Variants in PRMT2 observed in about 807,000 individuals in gnomAD.
The protein encoded by PRMT2 is protein arginine methyltransferase 2.
A neutral mutation model predicts 57.6 loss-of-function variants in PRMT2; 26 were observed. The observed-to-expected ratio is 0.45, with a 90% confidence interval of 0.33 to 0.63. PRMT2 has a LOEUF of 0.63. Ranked by LOEUF, PRMT2 falls within the 20% of genes least tolerant of loss-of-function variation. The pLI, the probability that PRMT2 is intolerant of heterozygous loss-of-function variation, is 0.02. For missense variants in PRMT2, 472 were observed against 564.4 expected (o/e 0.84, Z 1.66); for synonymous variants, 219 against 220.0 (o/e 1.00, Z 0.04).
At chr21:46,636,696 A>G (rs968800804) in intron 2 of PRMT2, 149 bp downstream of exon 2, 1 of 496,460 alleles carries the variant, frequency 2.0e-6, no homozygotes, top group African/African-American at 2.0e-5. Context: ...TAGTGAAGAA[A>G]ACACACTATT....
chr21:46,638,427 A>G (rs2061213083), intron 3 of PRMT2, among the ~76,000 whole-genome samples: 1 of 152,172 alleles, frequency 6.6e-6, no homozygotes, highest in Admixed American at 6.5e-5. Flanking sequence ...AATTGTTTCT[A>G]GTTTTTTCTA....
chr21:46,658,075 C>T (rs1156538730), intron 7 of PRMT2: 1 of 152,314 alleles, frequency 6.6e-6, no homozygotes, highest in Non-Finnish European at 1.5e-5. Context: ...TGCAGGCTCC[C>T]TGGGTGGTTT....
chr21:46,663,648 A>T, intron 11 of PRMT2, 94 bp downstream of exon 11: 1 of 1,286,660 alleles, frequency 7.8e-7, no homozygotes, highest in South Asian at 1.4e-5. Context: ...GCTGGCCCAC[A>T]CTGGGGTCCA....
intron 8 of PRMT2, chr21:46,659,245 G>A (rs2148999404): frequency 2.8e-6 from 3 of 1,064,714 alleles, no homozygotes; most frequent in South Asian, 3.4e-5. Flanking sequence ...CACGCCATAC[G>A]TGAAAACTTA....
intron 2 of PRMT2, 53 bp from the exon 3 acceptor site, chr21:46,636,843 A>G (rs2061180561): frequency 4.6e-6 from 5 of 1,089,654 alleles, no homozygotes; most frequent in Middle Eastern, 2.0e-4. Flanking sequence ...AGTGAACTCA[A>G]TTATTAAGCA....
Position 46,644,411 on chromosome 21 carries a change from G to A in PRMT2, c.250G>A (p.Val84Met), listed in dbSNP as rs1052347889. The change falls in exon 5 of 12, where the codon GTG becomes ATG. Residue 84 changes from valine (V) to methionine (M), a missense_variant. Around this residue, in one of 2 missense-constraint regions of PRMT2, gnomAD observed 243 missense variants for 347.2 expected, o/e 0.70. Transcript: ENST00000355680. ...CTGTGGGTACATTCCGGCAAACCATGTGGGGAAGCACGTGGATGAGTACGA... is the reference window on the plus strand; with the variant it reads ...CTGTGGGTACATTCCGGCAAACCATATGGGGAAGCACGTGGATGAGTACGA... ...GCCGYIPANH[V>M]GKHVDEYDPE... 6.2e-7 allele frequency: 1 copy of A among 1,612,360 alleles called. No homozygotes were observed.
At chr21:46,654,700 C>T (rs1195788710) in intron 7 of PRMT2, 1 of 153,952 alleles carries the variant, frequency 6.5e-6, no homozygotes, top group Non-Finnish European at 1.4e-5. Flanking sequence ...ATAACACTGA[C>T]ATTGTATTAG....
At chr21:46,643,963 C>T (rs551906429) in intron 4 of PRMT2, among the ~76,000 whole-genome samples, 1 of 152,322 alleles carries the variant, frequency 6.6e-6, no homozygotes, top group Non-Finnish European at 1.5e-5. Flanking sequence ...GCTTTGTTTA[C>T]TTTGTGACAG....
intron 5 of PRMT2, among the ~76,000 whole-genome samples, chr21:46,647,228 AT>A (rs2061377846): frequency 1.3e-5 from 2 of 151,426 alleles, no homozygotes; most frequent in South Asian, 2.1e-4. Flanking sequence ...GGCCTTTTGT[AT>A]TTTTTCTTTT....
At chr21:46,646,560 A>C (rs529433043) in intron 5 of PRMT2, among the ~76,000 whole-genome samples, 1 of 152,358 alleles carries the variant, frequency 6.6e-6, no homozygotes, top group South Asian at 2.1e-4. Flanking sequence ...GTCACTCTTT[A>C]TAACAGCTGC....
Position 46,660,898 on chromosome 21 carries a change from G to C in PRMT2, c.896G>C (p.Cys299Ser), listed in dbSNP as rs1052471094. The part of the protein sequence containing the change: ...KYNHILKPED[C>S]LSEPCTILQL... ...AACCACATTTTGAAACCAGAAGACTGTCTCTCTGAACCGTGCACTATATTG... is the reference window on the plus strand; with the variant it reads ...AACCACATTTTGAAACCAGAAGACTCTCTCTCTGAACCGTGCACTATATTG... Residue 299 changes from cysteine to serine, a missense_variant, in exon 9 of 12, where the codon TGT (cysteine) becomes TCT (serine). This residue lies in a region of PRMT2 where 229 missense variants were observed against 217.2 expected (regional missense o/e 1.05). Coordinates refer to ENST00000355680, the MANE Select transcript of PRMT2 (RefSeq NM_206962.4). The C allele has an allele frequency of 6.2e-7, 1 of 1,613,320 alleles. No homozygotes were observed. Among genetic ancestry groups the C allele is most frequent in the African/African-American group, 1.3e-5 (1 of 74,872 alleles).
At chr21:46,652,749 A>C in intron 7 of PRMT2, 1 of 1,140,702 alleles carries the variant, frequency 8.8e-7, no homozygotes, top group Non-Finnish European at 1.1e-6. Context: ...GACGCAAGTA[A>C]AGATACCACA....
At position 46,649,481 on chromosome 21, in the gene PRMT2, G is replaced by T; in HGVS notation, c.490-94G>T. ...AATGCTGCTTCCCTCTTGTGTCATT[G>T]ACCATTTCTCGTGATGCTGGTTGTG... On this transcript the variant is annotated intron_variant, in intron 6 of 11. Coordinates refer to ENST00000355680, the MANE Select transcript of PRMT2 (RefSeq NM_206962.4). The surrounding 1 kb of genome is among the most constrained non-coding windows in gnomAD (Gnocchi z 4.8). 4 of 1,583,424 alleles carry T rather than the reference G, an allele frequency of 2.5e-6. No individual in the cohort carries two copies. The South Asian group carries it at 4.4e-5, about 18-fold the overall frequency.
intron 8 of PRMT2, chr21:46,659,622 G>A (rs1182873191): frequency 1.0e-6 from 1 of 985,010 alleles, no homozygotes; most frequent in Non-Finnish European, 1.2e-6. Context: ...TACCAGACAA[G>A]CAAAGAGTAA....
At chr21:46,646,767 C>T (rs1047132107) in intron 5 of PRMT2, among the ~76,000 whole-genome samples, 14 of 152,064 alleles carry the variant, frequency 9.2e-5, no homozygotes, top group African/African-American at 3.4e-4. Context: ...TGGATCTTGC[C>T]AGTTCGCCCT....
In PRMT2 at chr21:46,649,339, C is replaced by A. The variant is rs2061413984; in HGVS notation, c.490-236C>A. Among the ~76,000 whole-genome samples, 1 of 152,198 alleles carries A rather than the reference C, an allele frequency of 6.6e-6. No homozygotes were observed. Among genetic ancestry groups the A allele is most frequent in the Non-Finnish European group, 1.5e-5 (1 of 68,040 alleles). ...ATGCGAGTCTTCCATCCACTTGCAG[C>A]CCTGCGTCTGTGTCTTGTCCGGGAG... On this transcript the variant is annotated intron_variant, in intron 6 of 11. Coordinates refer to ENST00000355680, the MANE Select transcript of PRMT2 (RefSeq NM_206962.4). The surrounding 1 kb of genome is among the most constrained non-coding windows in gnomAD (Gnocchi z 4.8).
intron 3 of PRMT2, among the ~76,000 whole-genome samples, chr21:46,637,413 A>G (rs1380033806): frequency 6.6e-6 from 1 of 152,208 alleles, no homozygotes; most frequent in Non-Finnish European, 1.5e-5. Context: ...AGTTAGCAGT[A>G]AAAAATACCC....
chr21:46,653,998 G>A (rs1275580072), intron 7 of PRMT2: 4 of 996,452 alleles, frequency 4.0e-6, no homozygotes, highest in Non-Finnish European at 4.8e-6. Context: ...ATGCAGCATA[G>A]TTAATCAGCA....
intron 5 of PRMT2, among the ~76,000 whole-genome samples, chr21:46,646,579 G>A (rs1250269038): frequency 6.6e-6 from 1 of 152,220 alleles, no homozygotes; most frequent in Non-Finnish European, 1.5e-5. Context: ...GCAGAGCGTT[G>A]TGTTACTTTA....
Sources: gnomAD v4.1 joint callset for allele counts (sites outside exome capture counted in the v4.1 genomes callset) on GRCh38, gnomAD v4.1.1 for gene constraint, gnomAD v4.1.1 regional missense constraint, Gnocchi (gnomAD v3.1) non-coding constraint, MANE v1.5 for transcripts, NCBI Gene and HGNC (gene_info 2026-07-23, HGNC 2026-07-21) for gene names.